ZSCAN25: variants seen among roughly 807,000 people sequenced by gnomAD.
The protein encoded by ZSCAN25 is zinc finger and SCAN domain-containing protein 25.
A neutral mutation model predicts 38.7 loss-of-function variants in ZSCAN25; 27 were observed. The observed-to-expected ratio is 0.70, with a 90% confidence interval of 0.51 to 0.96. The LOEUF (loss-of-function observed/expected upper bound fraction) is 0.96. Among genes scored for constraint, ZSCAN25 ranks in the 40% least tolerant of loss-of-function variants. ZSCAN25 has a pLI of 0.00. For synonymous variants in ZSCAN25, 273 were observed against 277.7 expected (o/e 0.98, Z 0.17); for missense variants, 637 against 705.9 (o/e 0.90, Z 1.11).
chr7:99,664,024 A>C, the ZSCAN25 span: 3 of 1,601,200 alleles, frequency 1.9e-6, no homozygotes, highest in South Asian at 1.1e-5. Flanking sequence ...TTACTTAAAA[A>C]ATTTATGGTA....
At chr7:99,627,504 A>C (rs1807579719) in intron 7 of ZSCAN25, among the ~76,000 whole-genome samples, 1 of 152,168 alleles carries the variant, frequency 6.6e-6, no homozygotes, top group African/African-American at 2.4e-5. Flanking sequence ...ACCAATGAAA[A>C]AGAATAAACT....
the ZSCAN25 span, chr7:99,660,746 C>T: frequency 2.0e-6 from 3 of 1,490,068 alleles, no homozygotes; most frequent in African/African-American, 1.4e-5. Context: ...GCTCTCTAAT[C>T]CCAAGAAGAA....
the ZSCAN25 span, among the ~76,000 whole-genome samples, chr7:99,726,479 A>G: frequency 1.3e-5 from 2 of 151,578 alleles, no homozygotes; most frequent in East Asian, 3.9e-4. Flanking sequence ...TGTTCTCAAT[A>G]TCTCCCTCCA....
the ZSCAN25 span, among the ~76,000 whole-genome samples, chr7:99,716,968 T>C: frequency 6.6e-6 from 1 of 152,226 alleles, no homozygotes; most frequent in Non-Finnish European, 1.5e-5. Flanking sequence ...CCCTGACCTC[T>C]GTGCACAGGG....
the ZSCAN25 span, among the ~76,000 whole-genome samples, chr7:99,703,142 C>T: frequency 2.0e-5 from 3 of 152,134 alleles, no homozygotes; most frequent in East Asian, 5.8e-4. Flanking sequence ...CTAGTAGTTC[C>T]TTGGTGGAGT....
At chr7:99,691,121 T>G in the ZSCAN25 span, among the ~76,000 whole-genome samples, 1 of 152,056 alleles carries the variant, frequency 6.6e-6, no homozygotes, top group African/African-American at 2.4e-5. Context: ...CCATAAAAAA[T>G]GAAGAGTTCA....
chr7:99,728,647 T>C, the ZSCAN25 span, among the ~76,000 whole-genome samples: 1 of 152,222 alleles, frequency 6.6e-6, no homozygotes, highest in Admixed American at 6.5e-5. Context: ...CTAGTATTTC[T>C]TATTCCCAAA....
At chr7:99,639,001 G>A in the ZSCAN25 span, among the ~76,000 whole-genome samples, 1,159 of 152,352 alleles carry the variant, frequency 7.6e-3, 5 homozygotes, top group African/African-American at 0.026. Context: ...GGGAGCCGCC[G>A]TCCTGCTGAG....
chr7:99,637,989 C>T, the ZSCAN25 span, among the ~76,000 whole-genome samples: 4 of 152,264 alleles, frequency 2.6e-5, 1 homozygote, highest in South Asian at 8.3e-4. Context: ...ATCCCATCTG[C>T]TGGAAGTCAA....
At chr7:99,624,408 CA>C in intron 7 of ZSCAN25, 4 of 558,358 alleles carry the variant, frequency 7.2e-6, no homozygotes, top group Admixed American at 6.1e-5. Context: ...TGTATGGAGA[CA>C]GGTCGGTCAT....
the ZSCAN25 span, chr7:99,713,652 C>A: frequency 7.2e-7 from 1 of 1,384,274 alleles, no homozygotes; most frequent in Non-Finnish European, 1.0e-6. Flanking sequence ...GACCAGAAAT[C>A]TGATGGGTGT....
At chr7:99,687,043 C>A in the ZSCAN25 span, among the ~76,000 whole-genome samples, 6 of 152,024 alleles carry the variant, frequency 3.9e-5, no homozygotes, top group South Asian at 1.3e-3. Flanking sequence ...CATCAAAGAC[C>A]AAAAGTAGAT....
chr7:99,723,634 G>T, the ZSCAN25 span, among the ~76,000 whole-genome samples: 2 of 152,066 alleles, frequency 1.3e-5, no homozygotes, highest in South Asian at 4.2e-4. Context: ...CCCTGTCCTC[G>T]CCCTCACTCC....
At chr7:99,649,536 C>T in the ZSCAN25 span, among the ~76,000 whole-genome samples, 1 of 152,138 alleles carries the variant, frequency 6.6e-6, no homozygotes, top group East Asian at 1.9e-4. Context: ...AGTCATTCTC[C>T]ACCTTGGCTT....
At chr7:99,701,240 A>G in the ZSCAN25 span, among the ~76,000 whole-genome samples, 1 of 152,158 alleles carries the variant, frequency 6.6e-6, no homozygotes, top group Admixed American at 6.5e-5. Context: ...TACCTAACAT[A>G]ATGACCTGCA....
chr7:99,656,693 G>A, the ZSCAN25 span, among the ~76,000 whole-genome samples: 8 of 152,164 alleles, frequency 5.3e-5, no homozygotes, highest in South Asian at 2.1e-4. Flanking sequence ...AGAATTCGGC[G>A]GTGAATCCAT....
chr7:99,721,502 TA>T, the ZSCAN25 span, among the ~76,000 whole-genome samples: 3 of 152,050 alleles, frequency 2.0e-5, no homozygotes, highest in Non-Finnish European at 4.4e-5. Context: ...ATGCATGTGA[TA>T]AAAGGGCATC....
the ZSCAN25 span, among the ~76,000 whole-genome samples, chr7:99,727,900 G>T: frequency 6.6e-6 from 1 of 152,158 alleles, no homozygotes. Context: ...CATCATTAAT[G>T]CCTCTTTAAT....
chr7:99,714,417 T>A, the ZSCAN25 span: 1 of 1,372,828 alleles, frequency 7.3e-7, no homozygotes, highest in Non-Finnish European at 9.7e-7. Flanking sequence ...ACCAAATGAA[T>A]TATCTTGCTC....
Sources: gnomAD v4.1 joint callset for allele counts (sites outside exome capture counted in the v4.1 genomes callset) on GRCh38, gnomAD v4.1.1 for gene constraint, MANE v1.5 for transcripts, NCBI Gene and HGNC (gene_info 2026-07-23, HGNC 2026-07-21) for gene names.